CPQ: variants seen among roughly 807,000 people sequenced by gnomAD.
The protein encoded by CPQ is Ser-Met dipeptidase.
A neutral mutation model predicts 45.7 loss-of-function variants in CPQ; 37 were observed. That is an observed-to-expected ratio of 0.81 (90% CI 0.62 to 1.07). The LOEUF (loss-of-function observed/expected upper bound fraction) is 1.07, where lower values mean the gene tolerates loss of function less well. Ranked by LOEUF, CPQ falls within the 50% of genes least tolerant of loss-of-function variation. The pLI is 0.00. For missense variants in CPQ, 537 were observed against 572.9 expected, an observed-to-expected ratio of 0.94 and a Z score of 0.64; for synonymous variants, 186 against 205.8, an observed-to-expected ratio of 0.90 and a Z score of 0.82.
At chr8:96,870,356 C>T (rs1473393762) in intron 3 of CPQ, among the ~76,000 whole-genome samples, 1 of 151,956 alleles carries the variant, frequency 6.6e-6, no homozygotes. Context: ...GCACCTATCT[C>T]AGAATTGATA....
intron 7 of CPQ, among the ~76,000 whole-genome samples, chr8:97,101,935 TCTCTCTCC>T (rs1224048031): frequency 6.2e-5 from 9 of 145,996 alleles, no homozygotes; most frequent in South Asian, 4.3e-4. Flanking sequence ...TCTCTCTCTC[TCTCTCTCC>T]CTCCCTCCCT....
intron 1 of CPQ, among the ~76,000 whole-genome samples, chr8:96,783,065 C>T (rs1810711335): frequency 6.6e-6 from 1 of 152,176 alleles, no homozygotes; most frequent in South Asian, 2.1e-4. Context: ...TTCTCTCTGG[C>T]TCATCTGCTC....
At chr8:96,958,603 T>C (rs1470620866) in intron 4 of CPQ, among the ~76,000 whole-genome samples, 1 of 152,180 alleles carries the variant, frequency 6.6e-6, no homozygotes, top group East Asian at 1.9e-4. Flanking sequence ...TTCTTGCAAA[T>C]CCACTGCAAT....
chr8:97,068,475 AATACAAAGTTAGCCGG>A (rs1449985592), intron 7 of CPQ, among the ~76,000 whole-genome samples: 2 of 152,116 alleles, frequency 1.3e-5, no homozygotes, highest in African/African-American at 4.8e-5. Context: ...CTACTAAAAA[AATACAAAGTTAGCCGG>A]ATGTGGTGGT....
intron 6 of CPQ, among the ~76,000 whole-genome samples, chr8:97,035,201 A>G (rs1809977485): frequency 6.6e-6 from 1 of 151,998 alleles, no homozygotes; most frequent in South Asian, 2.1e-4. Flanking sequence ...ATCCCTTTCT[A>G]TTACTGGGTA....
chr8:96,805,420 C>T (rs1241266481), intron 2 of CPQ, among the ~76,000 whole-genome samples: 1 of 152,132 alleles, frequency 6.6e-6, no homozygotes, highest in African/African-American at 2.4e-5. Flanking sequence ...CCTTTATCAA[C>T]TTATTTCGCC....
intron 1 of CPQ, among the ~76,000 whole-genome samples, chr8:96,674,116 T>C (rs1425752646): frequency 6.6e-6 from 1 of 151,978 alleles, no homozygotes; most frequent in African/African-American, 2.4e-5. Context: ...ATTTTTAGAG[T>C]ATCTCAAAAT....
chr8:96,664,971 A>T (rs781343141), intron 1 of CPQ, among the ~76,000 whole-genome samples: 2 of 152,238 alleles, frequency 1.3e-5, no homozygotes, highest in Non-Finnish European at 2.9e-5. Flanking sequence ...TATGACAGCA[A>T]TGCTTCCCTT....
At chr8:96,995,904 A>G (rs1428059051) in intron 5 of CPQ, among the ~76,000 whole-genome samples, 1 of 152,032 alleles carries the variant, frequency 6.6e-6, no homozygotes, top group East Asian at 1.9e-4. Context: ...AGCTGAAGCC[A>G]AGGAAATTTG....
chr8:96,715,806 T>A (rs1215632100), intron 1 of CPQ, among the ~76,000 whole-genome samples: 2 of 152,070 alleles, frequency 1.3e-5, no homozygotes, highest in African/African-American at 4.8e-5. Context: ...GGAATAGGAG[T>A]CCCTGAGGGC....
At chr8:97,121,660 C>T (rs1352891746) in intron 7 of CPQ, among the ~76,000 whole-genome samples, 1 of 151,978 alleles carries the variant, frequency 6.6e-6, no homozygotes, top group Non-Finnish European at 1.5e-5. Context: ...GAAAATATGA[C>T]CCACAACTAG....
intron 1 of CPQ, among the ~76,000 whole-genome samples, chr8:96,678,349 A>G (rs1319339990): frequency 2.0e-5 from 3 of 152,000 alleles, no homozygotes; most frequent in Admixed American, 2.0e-4. Context: ...GATTTCTTTC[A>G]TCAGTGTTTT....
intron 2 of CPQ, among the ~76,000 whole-genome samples, chr8:96,823,512 CA>C (rs142652391): frequency 0.022 from 3,391 of 152,100 alleles, 135 homozygotes; most frequent in African/African-American, 0.078. Context: ...AGCAACTACA[CA>C]AATCCTATGA....
chr8:96,861,244 C>T (rs991036890), intron 3 of CPQ, among the ~76,000 whole-genome samples: 6 of 152,158 alleles, frequency 3.9e-5, no homozygotes, highest in Admixed American at 3.3e-4. Context: ...AACTCTAGTT[C>T]GGAGCAAAAT....
At chr8:96,736,827 A>G (rs1203398338) in intron 1 of CPQ, among the ~76,000 whole-genome samples, 1 of 152,202 alleles carries the variant, frequency 6.6e-6, no homozygotes, top group Admixed American at 6.5e-5. Flanking sequence ...TTTCTAAATT[A>G]GAGATTTTCT....
At chr8:96,938,575 T>G (rs968530767) in intron 4 of CPQ, among the ~76,000 whole-genome samples, 4 of 152,144 alleles carry the variant, frequency 2.6e-5, no homozygotes, top group African/African-American at 9.7e-5. Context: ...GAAAGGGTGC[T>G]GCAGAAAGGA....
chr8:96,811,706 T>A (rs971531811), intron 2 of CPQ, among the ~76,000 whole-genome samples: 4 of 152,204 alleles, frequency 2.6e-5, no homozygotes, highest in Non-Finnish European at 4.4e-5. Flanking sequence ...GTAAGCAATT[T>A]AAAATAATTT....
intron 7 of CPQ, among the ~76,000 whole-genome samples, chr8:97,126,611 TA>T (rs1811851453): frequency 6.6e-6 from 1 of 152,160 alleles, no homozygotes; most frequent in South Asian, 2.1e-4. Context: ...GTCTGTATAC[TA>T]AAAACTAGCA....
At chr8:97,001,721 CTTT>C (rs61282246) in intron 5 of CPQ, among the ~76,000 whole-genome samples, 107 of 92,070 alleles carry the variant, frequency 1.2e-3, no homozygotes, top group East Asian at 2.3e-3. Context: ...TTCTTTCTTT[CTTT>C]TTTTTTTTTT....
Sources: gnomAD v4.1 joint callset for allele counts (sites outside exome capture counted in the v4.1 genomes callset) on GRCh38, gnomAD v4.1.1 for gene constraint, MANE v1.5 for transcripts, NCBI Gene and HGNC (gene_info 2026-07-23, HGNC 2026-07-21) for gene names.